MAST2: variants seen among roughly 807,000 people sequenced by gnomAD.
MAST2 encodes the protein microtubule-associated serine/threonine-protein kinase 2.
MAST2 carries 70 observed loss-of-function variants against 147.4 expected under a neutral mutation model. The ratio of observed to expected loss-of-function variants is 0.47; its 90% confidence interval spans 0.39 to 0.58. The LOEUF is 0.58. MAST2 is among the 20% of genes least tolerant of loss of function. The pLI is 0.00. For missense variants in MAST2, 2,080 were observed against 2,302.3 expected, an observed-to-expected ratio of 0.90 and a Z score of 1.98; for synonymous variants, 869 against 896.8, an observed-to-expected ratio of 0.97 and a Z score of 0.55.
intron 5 of MAST2, among the ~76,000 whole-genome samples, chr1:45,974,009 T>C (rs1336233988): frequency 6.6e-6 from 1 of 152,178 alleles, no homozygotes; most frequent in African/African-American, 2.4e-5. Context: ...AATGCAAAGA[T>C]GGGTAGAGAG....
chr1:45,965,210 A>G (rs1182655459), intron 5 of MAST2, among the ~76,000 whole-genome samples: 1 of 152,104 alleles, frequency 6.6e-6, no homozygotes, highest in African/African-American at 2.4e-5. Flanking sequence ...TTTGGGGTGG[A>G]GAGTTCTGTA....
Position 46,029,915 on chromosome 1 carries a change from C to T in MAST2, c.2405C>T (p.Pro802Leu). ...CTCCGCCAGAAGGCTGAATTTATTC[C>T]TCAGTTGGAGTCAGAGGATGATACT... ...GLLRQKAEFI[P>L]QLESEDDTSY... Residue 802 changes from proline (P) to leucine (L), a missense_variant, in exon 20 of 29, where the codon CCT becomes CTT. Physicochemically the swap from Pro to Leu is moderately conservative, Grantham distance 98 (BLOSUM62 -3). This residue lies in a region of MAST2 where 1,278 missense variants were observed against 1,304.2 expected (regional missense o/e 0.98). Coordinates refer to ENST00000361297, the MANE Select transcript of MAST2 (RefSeq NM_015112.3). 6.2e-7 allele frequency: 1 copy of T among 1,614,148 alleles called. No individual in the cohort carries two copies. The highest frequency in any genetic ancestry group is 1.7e-5 in the Admixed American group (1 of 60,006).
At chr1:45,891,233 T>C (rs1647720238) in intron 4 of MAST2, among the ~76,000 whole-genome samples, 1 of 152,214 alleles carries the variant, frequency 6.6e-6, no homozygotes, top group Admixed American at 6.5e-5. Flanking sequence ...AGCTCACACC[T>C]GTAATCCCAG....
chr1:45,879,932 G>A (rs1005782573), intron 3 of MAST2, among the ~76,000 whole-genome samples: 1 of 152,096 alleles, frequency 6.6e-6, no homozygotes, highest in Non-Finnish European at 1.5e-5. Context: ...AGAGTAGTTC[G>A]AACTTTCTTA....
chr1:45,823,786 C>T (rs1644709987), intron 1 of MAST2, among the ~76,000 whole-genome samples: 1 of 151,924 alleles, frequency 6.6e-6, no homozygotes, highest in South Asian at 2.1e-4. Flanking sequence ...TTATAATACT[C>T]CTGATTAGGT....
chr1:45,934,376 C>T (rs957347230), intron 4 of MAST2, among the ~76,000 whole-genome samples: 5 of 152,124 alleles, frequency 3.3e-5, no homozygotes, highest in African/African-American at 9.6e-5. Flanking sequence ...TTTCCAGCTA[C>T]TCGGGAGGCT....
At chr1:45,825,439 CT>C (rs34084411) in intron 2 of MAST2, among the ~76,000 whole-genome samples, 28 of 145,170 alleles carry the variant, frequency 1.9e-4, no homozygotes, top group Non-Finnish European at 2.1e-4. Context: ...ATTATCTTCT[CT>C]TTTTTTTTTT....
chr1:45,863,736 G>A (rs1047042243), intron 3 of MAST2, among the ~76,000 whole-genome samples: 1 of 152,136 alleles, frequency 6.6e-6, no homozygotes, highest in Non-Finnish European at 1.5e-5. Flanking sequence ...TACACCTTAG[G>A]TAGTATAACT....
At chr1:45,955,178 G>A (rs1315517727) in intron 4 of MAST2, among the ~76,000 whole-genome samples, 1 of 148,038 alleles carries the variant, frequency 6.8e-6, no homozygotes, top group Non-Finnish European at 1.5e-5. Flanking sequence ...AAATGAATGT[G>A]CAAAATATAT....
chr1:45,890,748 T>C (rs1350000260), intron 4 of MAST2, among the ~76,000 whole-genome samples: 6 of 152,212 alleles, frequency 3.9e-5, no homozygotes, highest in African/African-American at 1.4e-4. Flanking sequence ...AATATGCTGA[T>C]CCCAGAGCCT....
At chr1:45,987,143 TTAACA>T (rs1644657263) in intron 5 of MAST2, among the ~76,000 whole-genome samples, 2 of 152,238 alleles carry the variant, frequency 1.3e-5, no homozygotes. Context: ...GTCAAATTAA[TTAACA>T]TAAAGTTGTT....
At chr1:45,999,920 G>A (rs1192814490) in intron 6 of MAST2, among the ~76,000 whole-genome samples, 1 of 152,170 alleles carries the variant, frequency 6.6e-6, no homozygotes, top group African/African-American at 2.4e-5. Flanking sequence ...CTGTGTCCTG[G>A]CGGGAAGACA....
intron 4 of MAST2, among the ~76,000 whole-genome samples, chr1:45,958,392 T>C (rs1659941945): frequency 6.6e-6 from 1 of 152,126 alleles, no homozygotes. Flanking sequence ...TCTCTCTGCC[T>C]CTCAGCTCTA....
Position 46,022,966 on chromosome 1 carries a change from A to G in MAST2, c.1480A>G (p.Ile494Val), listed in dbSNP as rs571718205. The G allele has an allele frequency of 2.5e-6, 4 of 1,614,084 alleles. No homozygotes were observed. In the Admixed American group the frequency reaches 5.0e-5, roughly 20 times the overall value. ...TGACACTCCAGAGACAGATGATTCT[A>G]TTGAGGTAAAAACCCTGAGCTCCTA... ...SPDTPETDDSIEGHGASLPSK... is the reference protein window; with the variant it reads ...SPDTPETDDSVEGHGASLPSK... Residue 494 changes from isoleucine (I) to valine (V), a missense_variant, in exon 13 of 29, where the codon ATT becomes GTT. This residue lies in a region of MAST2 where 569 missense variants were observed against 642.5 expected (regional missense o/e 0.89). Transcript: ENST00000361297.
intron 1 of MAST2, among the ~76,000 whole-genome samples, chr1:45,820,920 G>A (rs1418313645): frequency 1.6e-5 from 1 of 62,692 alleles, no homozygotes; most frequent in Non-Finnish European, 3.0e-5. Flanking sequence ...TTTTTTTTGA[G>A]TCAGAGTCTT....
intron 25 of MAST2, 36 bp downstream of exon 25, chr1:46,032,440 T>C (rs776012890): frequency 4.4e-6 from 7 of 1,608,696 alleles, no homozygotes; most frequent in Non-Finnish European, 1.7e-6. Context: ...GTCTCCCTGC[T>C]TCATCATCCT....
chr1:45,836,783 C>A (rs558538490), intron 3 of MAST2, among the ~76,000 whole-genome samples: 6 of 152,262 alleles, frequency 3.9e-5, no homozygotes, highest in African/African-American at 1.4e-4. Flanking sequence ...TCACCACCAC[C>A]ACAATTATGA....
rs186519460 is a variant in MAST2 at position 45,983,424 on chromosome 1, C to G, written c.593-14300C>G. Among the ~76,000 whole-genome samples, 4 of 151,838 alleles carry G rather than the reference C, an allele frequency of 2.6e-5. No homozygotes were observed. In the East Asian group the frequency reaches 7.8e-4, roughly 29 times the overall value. On this transcript the variant is annotated intron_variant, in intron 5 of 28. Coordinates refer to ENST00000361297, the MANE Select transcript of MAST2 (RefSeq NM_015112.3). Reference sequence around the variant, plus strand: ...CCTCATCACTTTTCATTTGGCTTATCGAAGATACCCCCTAACTCCTTTTCC... The same window carrying G: ...CCTCATCACTTTTCATTTGGCTTATGGAAGATACCCCCTAACTCCTTTTCC...
chr1:45,970,692 ATTTCTGCTCTGGT>A (rs1643881884), intron 5 of MAST2, among the ~76,000 whole-genome samples: 1 of 148,230 alleles, frequency 6.7e-6, no homozygotes. Flanking sequence ...AAAAAAAAGA[ATTTCTGCTCTGGT>A]AAGTTGTACC....
Sources: allele counts gnomAD v4.1 joint callset (sites outside exome capture counted in the v4.1 genomes callset), GRCh38; gene constraint gnomAD v4.1.1; regional missense constraint gnomAD v4.1.1; transcripts MANE v1.5; gene names NCBI Gene and HGNC (gene_info 2026-07-23, HGNC 2026-07-21).